SNTB1: variants seen among roughly 807,000 people sequenced by gnomAD.
The protein encoded by SNTB1 is syntrophin beta 1.
Under a neutral mutation model 48.9 loss-of-function variants are expected in SNTB1, and 36 were observed. The ratio of observed to expected loss-of-function variants is 0.74; its 90% CI spans 0.56 to 0.97. The LOEUF (loss-of-function observed/expected upper bound fraction) is 0.97. SNTB1 is among the 50% of genes least tolerant of loss of function. SNTB1 has a pLI of 0.00. For synonymous variants in SNTB1, 299 were observed against 294.6 expected, an observed-to-expected ratio of 1.01 and a Z score of -0.15; for missense variants, 786 against 703.4, an observed-to-expected ratio of 1.12 and a Z score of -1.33.
At chr8:120,776,139 G>C (rs1293976105) in intron 1 of SNTB1, among the ~76,000 whole-genome samples, 1 of 152,158 alleles carries the variant, frequency 6.6e-6, no homozygotes, top group African/African-American at 2.4e-5. Context: ...ACATGCACAT[G>C]TGTGTTTATC....
chr8:120,786,123 C>T (rs117563567), intron 1 of SNTB1, among the ~76,000 whole-genome samples: 1 of 152,210 alleles, frequency 6.6e-6, no homozygotes, highest in African/African-American at 2.4e-5. Flanking sequence ...TACCACTGAA[C>T]CGTCTGCAGA....
intron 3 of SNTB1, among the ~76,000 whole-genome samples, chr8:120,611,190 G>A (rs1294956717): frequency 6.6e-6 from 1 of 152,140 alleles, no homozygotes; most frequent in Non-Finnish European, 1.5e-5. Flanking sequence ...ATTGATGCTG[G>A]TTGTTAGGCT....
At chr8:120,591,378 C>A (rs1488844663) in intron 3 of SNTB1, among the ~76,000 whole-genome samples, 1 of 152,128 alleles carries the variant, frequency 6.6e-6, no homozygotes, top group Non-Finnish European at 1.5e-5. Context: ...ATTATAGTCA[C>A]CTTTTTCCTC....
rs117399143 is a variant in SNTB1 at position 120,688,284 on chromosome 8, C to G, written c.788+5408G>C. Among the ~76,000 whole-genome samples, 1,448 of 152,272 alleles carry G rather than the reference C, an allele frequency of 9.5e-3. 8 individuals carry two copies. Among genetic ancestry groups the G allele is most frequent in the Non-Finnish European group, 0.015 (1,046 of 68,026 alleles). ...GTGACACACTTGGTTAATGGATTGTCCTGGTTTCTTTAAGCTTCCTATGTC... is the reference window on the plus strand; with the variant it reads ...GTGACACACTTGGTTAATGGATTGTGCTGGTTTCTTTAAGCTTCCTATGTC... On this transcript the variant is annotated intron_variant, in intron 2 of 6. Coordinates refer to ENST00000517992, the MANE Select transcript of SNTB1 (RefSeq NM_021021.4).
At chr8:120,634,320 T>C (rs1263187374) in intron 2 of SNTB1, among the ~76,000 whole-genome samples, 4 of 152,230 alleles carry the variant, frequency 2.6e-5, no homozygotes, top group African/African-American at 9.6e-5. Context: ...GAGAATCTAC[T>C]ATGTGCCAGG....
intron 2 of SNTB1, among the ~76,000 whole-genome samples, chr8:120,645,605 C>T (rs1288132904): frequency 1.4e-5 from 2 of 140,550 alleles, no homozygotes; most frequent in South Asian, 4.7e-4. Flanking sequence ...TGTGATGCCT[C>T]CAGCTTTGTT....
chr8:120,558,713 A>G (rs2130664426), intron 4 of SNTB1, among the ~76,000 whole-genome samples: 1 of 152,340 alleles, frequency 6.6e-6, no homozygotes, highest in Non-Finnish European at 1.5e-5. Flanking sequence ...TAAACTCTCC[A>G]TGCCTTAGCT....
At chr8:120,618,331 T>C (rs1207204004) in intron 3 of SNTB1, among the ~76,000 whole-genome samples, 8 of 152,216 alleles carry the variant, frequency 5.3e-5, no homozygotes, top group Non-Finnish European at 1.0e-4. Flanking sequence ...TTATAAACAA[T>C]TATCTAAAAT....
chr8:120,811,209 G>A (rs1395008735), intron 1 of SNTB1, 64 bp downstream of exon 1: 3 of 1,522,798 alleles, frequency 2.0e-6, no homozygotes, highest in Non-Finnish European at 2.6e-6. Context: ...GTGTGAGCGT[G>A]CGGGTGGGAA....
intron 3 of SNTB1, among the ~76,000 whole-genome samples, 157 bp from the exon 4 acceptor site, chr8:120,575,382 C>T (rs1026746614): frequency 5.3e-5 from 8 of 152,178 alleles, no homozygotes; most frequent in African/African-American, 1.9e-4. Flanking sequence ...TTATCCCATG[C>T]TTCCTGATCC....
At chr8:120,707,376 C>A (rs908598202) in intron 1 of SNTB1, among the ~76,000 whole-genome samples, 10 of 152,290 alleles carry the variant, frequency 6.6e-5, no homozygotes, top group Admixed American at 5.2e-4. Context: ...AGAGGCCAAA[C>A]TTAGCTTGGC....
At chr8:120,811,176 C>T in intron 1 of SNTB1, 97 bp downstream of exon 1, 17 of 1,474,446 alleles carry the variant, frequency 1.2e-5, no homozygotes, top group Non-Finnish European at 1.5e-5. Flanking sequence ...GGGGTGTGTC[C>T]GCATGTGGCC....
intron 3 of SNTB1, among the ~76,000 whole-genome samples, chr8:120,586,221 TGTTTCAAGA>T (rs1337532531): frequency 6.6e-6 from 1 of 152,228 alleles, no homozygotes; most frequent in Non-Finnish European, 1.5e-5. Context: ...AATCTTCCAG[TGTTTCAAGA>T]GAAGCCAGGA....
At chr8:120,593,029 A>T (rs1424113767) in intron 3 of SNTB1, among the ~76,000 whole-genome samples, 1 of 152,180 alleles carries the variant, frequency 6.6e-6, no homozygotes, top group Non-Finnish European at 1.5e-5. Flanking sequence ...AAAAAGAAAA[A>T]GGGAGAATAA....
chr8:120,718,826 C>T (rs1346867646), intron 1 of SNTB1, among the ~76,000 whole-genome samples: 1 of 152,094 alleles, frequency 6.6e-6, no homozygotes, highest in Non-Finnish European at 1.5e-5. Flanking sequence ...TCCCTATAAA[C>T]TCCAAATGTT....
At chr8:120,775,717 AG>A (rs1819722883) in intron 1 of SNTB1, among the ~76,000 whole-genome samples, 1 of 119,130 alleles carries the variant, frequency 8.4e-6, no homozygotes, top group Non-Finnish European at 1.7e-5. Flanking sequence ...CAAGGAAGGA[AG>A]GAAGGAAGGA....
At chr8:120,766,107 T>A (rs1819519939) in intron 1 of SNTB1, among the ~76,000 whole-genome samples, 1 of 152,190 alleles carries the variant, frequency 6.6e-6, no homozygotes, top group Non-Finnish European at 1.5e-5. Flanking sequence ...ACTAAAGAAC[T>A]GTGAAAATGA....
At chr8:120,638,634 C>G (rs577824471) in intron 2 of SNTB1, among the ~76,000 whole-genome samples, 2 of 152,094 alleles carry the variant, frequency 1.3e-5, no homozygotes, top group Admixed American at 6.5e-5. Flanking sequence ...TCAATTCCCA[C>G]CTATGAGTGA....
intron 3 of SNTB1, among the ~76,000 whole-genome samples, chr8:120,621,251 T>C (rs921690137): frequency 3.9e-5 from 6 of 152,200 alleles, no homozygotes; most frequent in Non-Finnish European, 1.5e-5. Context: ...TGAGCCACCA[T>C]GCCCGGCCTT....
Sources: allele counts gnomAD v4.1 joint callset (sites outside exome capture counted in the v4.1 genomes callset), GRCh38; gene constraint gnomAD v4.1.1; transcripts MANE v1.5; gene names NCBI Gene and HGNC (gene_info 2026-07-23, HGNC 2026-07-21).